VDAC3: variants seen among roughly 807,000 people sequenced by gnomAD.
The protein encoded by VDAC3 is non-selective voltage-gated ion channel VDAC3.
In VDAC3, 7 loss-of-function variants were observed where a neutral mutation model predicts 33.9. The ratio of observed to expected loss-of-function variants is 0.21; its 90% CI spans 0.12 to 0.39. The LOEUF is 0.39. Ranked by LOEUF, VDAC3 falls within the 10% of genes least tolerant of loss-of-function variation. The probability of loss-of-function intolerance (pLI) is 1.00; values close to 1 mark genes in which losing one functional copy is unlikely to be tolerated. For missense variants in VDAC3, 261 were observed against 334.5 expected, an observed-to-expected ratio of 0.78 and a Z score of 1.71; for synonymous variants, 100 against 122.4, an observed-to-expected ratio of 0.82 and a Z score of 1.21.
At chr8:42,394,120 C>G in intron 2 of VDAC3, 90 bp from the exon 3 acceptor site, 2 of 1,129,604 alleles carry the variant, frequency 1.8e-6, no homozygotes, top group Non-Finnish European at 2.7e-6. Context: ...ACTGTATACC[C>G]CTTCTCACAG....
intron 8 of VDAC3, among the ~76,000 whole-genome samples, chr8:42,404,647 G>C (rs1437465453): frequency 6.6e-6 from 1 of 151,560 alleles, no homozygotes; most frequent in Non-Finnish European, 1.5e-5. Flanking sequence ...GCTTGGACCC[G>C]GGAAGCGGAG....
At chr8:42,395,985 C>T (rs959594000) in intron 4 of VDAC3, among the ~76,000 whole-genome samples, 10 of 147,640 alleles carry the variant, frequency 6.8e-5, no homozygotes, top group African/African-American at 1.5e-4. Flanking sequence ...AGGCCAGGTG[C>T]GGTGGCTCAC....
intron 7 of VDAC3, chr8:42,403,036 G>C (rs1802444336): frequency 4.8e-6 from 2 of 414,880 alleles, no homozygotes; most frequent in South Asian, 5.4e-5. Flanking sequence ...CGAGGTGTCT[G>C]CCTTTGTGCT....
At chr8:42,393,338 T>C (rs549081951) in intron 1 of VDAC3, among the ~76,000 whole-genome samples, 2 of 152,298 alleles carry the variant, frequency 1.3e-5, no homozygotes, top group East Asian at 3.9e-4. Flanking sequence ...TTCTGACATA[T>C]GGGCTAATGG....
intron 3 of VDAC3, 29 bp downstream of exon 3, chr8:42,394,307 T>A: frequency 2.5e-6 from 4 of 1,601,372 alleles, no homozygotes; most frequent in Non-Finnish European, 2.6e-6. Context: ...CTTTCCAGTT[T>A]GGGGTAAAGG....
chr8:42,402,663 T>A (rs1802435594), intron 7 of VDAC3, among the ~76,000 whole-genome samples: 1 of 152,246 alleles, frequency 6.6e-6, no homozygotes, highest in Non-Finnish European at 1.5e-5. Flanking sequence ...GTTTTTAAAC[T>A]GTTGCAGATT....
At chr8:42,402,801 C>G (rs1353534143) in intron 7 of VDAC3, among the ~76,000 whole-genome samples, 1 of 152,198 alleles carries the variant, frequency 6.6e-6, no homozygotes, top group Non-Finnish European at 1.5e-5. Context: ...GGACTCACCT[C>G]TGGCATGCTT....
intron 3 of VDAC3, among the ~76,000 whole-genome samples, chr8:42,394,641 A>G (rs554098242): frequency 1.3e-5 from 2 of 152,214 alleles, no homozygotes; most frequent in Non-Finnish European, 2.9e-5. Context: ...AAGTGACAAC[A>G]TAACTTTTGA....
In VDAC3 at chr8:42,401,971, C is replaced by T. The variant is rs767701788; in HGVS notation, c.507C>T (p.Phe169=). The change falls in exon 7 of 10, where the codon TTC becomes TTT. Residue 169 remains phenylalanine (F), a synonymous_variant. Transcript: ENST00000022615. ...TAKSKLSQNN[F]ALGYKAADFQ... The stretch of plus-strand genomic sequence containing the variant: ...AATCCAAACTGTCACAGAATAATTT[C>T]GCCCTGGGTTACAAGGCTGCGGACT... The T allele has an allele frequency of 3.7e-5, 59 of 1,614,116 alleles. 1 individual carries two copies. The South Asian group carries it at 4.7e-4, about 13-fold the overall frequency.
intron 6 of VDAC3, 101 bp downstream of exon 6, chr8:42,399,804 A>T: frequency 9.1e-7 from 1 of 1,098,828 alleles, no homozygotes; most frequent in Non-Finnish European, 1.3e-6. Flanking sequence ...GGCAGGAAGA[A>T]CTCAGAAGGT....
In VDAC3 at chr8:42,391,926, G is replaced by A. The variant is rs1289760519; in HGVS notation, c.-45G>A. The A allele has an allele frequency of 6.6e-6, 1 of 152,350 alleles. No homozygotes were observed. Among genetic ancestry groups the A allele is most frequent in the Non-Finnish European group, 1.5e-5 (1 of 68,214 alleles). 9.4% of individuals were successfully genotyped at this position (152,350 alleles called of 1,614,324 possible). ...GGAGCAGAGACAGGCCCTCGGGGTGGAGGTGAGGAGAGCTGAGGCCGCGCG... is the reference window on the plus strand; with the variant it reads ...GGAGCAGAGACAGGCCCTCGGGGTGAAGGTGAGGAGAGCTGAGGCCGCGCG... On this transcript the variant is annotated splice_region_variant and 5_prime_UTR_variant, in exon 1 of 10. Coordinates refer to ENST00000022615, the MANE Select transcript of VDAC3 (RefSeq NM_005662.7).
chr8:42,404,369 A>G (rs1274515791), intron 8 of VDAC3, among the ~76,000 whole-genome samples: 1 of 152,168 alleles, frequency 6.6e-6, no homozygotes, highest in Non-Finnish European at 1.5e-5. Flanking sequence ...ATTTTGCTTG[A>G]GGCCTTGAAG....
At chr8:42,395,990 G>T (rs991374178) in intron 4 of VDAC3, among the ~76,000 whole-genome samples, 14 of 150,908 alleles carry the variant, frequency 9.3e-5, no homozygotes, top group Non-Finnish European at 1.3e-4. Flanking sequence ...AGGTGCGGTG[G>T]CTCACGCCTG....
intron 7 of VDAC3, 46 bp from the exon 8 acceptor site, chr8:42,403,265 T>C: frequency 1.2e-6 from 2 of 1,601,454 alleles, no homozygotes; most frequent in Non-Finnish European, 1.7e-6. Context: ...ATAATAACAA[T>C]GGTACAAACT....
chr8:42,398,593 T>C, intron 4 of VDAC3, 119 bp from the exon 5 acceptor site: 1 of 1,069,948 alleles, frequency 9.3e-7, no homozygotes, highest in Admixed American at 2.8e-5. Flanking sequence ...TGCTCTAGAG[T>C]AGGGCTGTGG....
intron 4 of VDAC3, 118 bp downstream of exon 4, chr8:42,395,251 CCT>C (rs1745829553): frequency 6.2e-6 from 9 of 1,453,246 alleles, no homozygotes; most frequent in Non-Finnish European, 8.4e-6. Context: ...ACAGCTTTGT[CCT>C]CTCAGATTTT....
rs764919310 is a variant in VDAC3 at position 42,405,500 on chromosome 8, T to G, written c.*38T>G. The G allele has an allele frequency of 3.9e-6, 6 of 1,530,282 alleles. No homozygotes were observed. Among genetic ancestry groups the G allele is most frequent in the Non-Finnish European group, 5.4e-6 (6 of 1,108,870 alleles). 94.8% of individuals were successfully genotyped at this position (1,530,282 alleles called of 1,614,324 possible). A position where few individuals can be genotyped will look rare whatever the true frequency, so the allele number is the denominator to read the frequency against. ...AAAGCATCAGATTTGTCCCTGGAAG[T>G]GAAGAGAAATGAACCCACTATGTTT... is the stretch of plus-strand genomic sequence containing the variant. On this transcript the variant is annotated 3_prime_UTR_variant, in exon 10 of 10. Coordinates refer to ENST00000022615, the MANE Select transcript of VDAC3 (RefSeq NM_005662.7).
chr8:42,400,593 G>A (rs1225638580), intron 6 of VDAC3, among the ~76,000 whole-genome samples: 1 of 151,502 alleles, frequency 6.6e-6, no homozygotes, highest in Non-Finnish European at 1.5e-5. Flanking sequence ...TGAATGCAAA[G>A]TGACATTTGT....
At chr8:42,394,993 A>C in intron 3 of VDAC3, 91 bp from the exon 4 acceptor site, 10 of 1,420,174 alleles carry the variant, frequency 7.0e-6, no homozygotes, top group African/African-American at 1.4e-5. Context: ...TATGGAAGGT[A>C]CTATAGGCTA....
Sources: allele counts gnomAD v4.1 joint callset (sites outside exome capture counted in the v4.1 genomes callset), GRCh38; gene constraint gnomAD v4.1.1; transcripts MANE v1.5; gene names NCBI Gene and HGNC (gene_info 2026-07-23, HGNC 2026-07-21).